The following OR3A2 variants were observed in gnomAD, a reference collection of about 807,000 sequenced individuals.
OR3A2 encodes the protein olfactory receptor 3A2.
For synonymous variants in OR3A2, 126 were observed against 159.3 expected, an observed-to-expected ratio of 0.79 and a Z score of 1.57; for missense variants, 318 against 392.8, an observed-to-expected ratio of 0.81 and a Z score of 1.61.
intron 3 of OR3A2, among the ~76,000 whole-genome samples, chr17:3,309,186 G>T (rs1045752231): frequency 5.9e-5 from 9 of 152,178 alleles, no homozygotes; most frequent in African/African-American, 1.9e-4. Context: ...GATTACAGGT[G>T]TGAGTCACCA....
At chr17:3,384,505 A>G (rs1180007461) in intron 1 of OR3A2, among the ~76,000 whole-genome samples, 1 of 152,108 alleles carries the variant, frequency 6.6e-6, no homozygotes, top group African/African-American at 2.4e-5. Flanking sequence ...GGTGAACCTG[A>G]TTCATTCACC....
At chr17:3,313,315 C>T (rs573155585) in intron 3 of OR3A2, among the ~76,000 whole-genome samples, 1 of 152,288 alleles carries the variant, frequency 6.6e-6, no homozygotes, top group East Asian at 1.9e-4. Context: ...CAGAGGTATC[C>T]ACAGTTATTC....
At chr17:3,321,906 G>C (rs913808834) in intron 3 of OR3A2, among the ~76,000 whole-genome samples, 1 of 152,108 alleles carries the variant, frequency 6.6e-6, no homozygotes, top group African/African-American at 2.4e-5. Flanking sequence ...AAATGAATTA[G>C]GGTGGATTCC....
At chr17:3,278,480 C>T (rs376700062) in exon 2 of OR3A2, 7 of 1,614,068 alleles carry the variant, frequency 4.3e-6, no homozygotes, top group East Asian at 2.2e-5. Flanking sequence ...CAGCCACCAA[C>T]ATCCTCTGGA....
At chr17:3,340,695 A>G (rs910661721) in intron 2 of OR3A2, among the ~76,000 whole-genome samples, 84 of 152,074 alleles carry the variant, frequency 5.5e-4, no homozygotes, top group African/African-American at 2.4e-5. Context: ...TATGTGGTCA[A>G]TTTTGGAATA....
intron 2 of OR3A2, among the ~76,000 whole-genome samples, chr17:3,368,593 C>T (rs1432092238): frequency 1.3e-5 from 2 of 152,028 alleles, no homozygotes; most frequent in Non-Finnish European, 2.9e-5. Flanking sequence ...CATTGGTCTA[C>T]GTGTCTGTTT....
At chr17:3,325,353 G>A (rs141634413) in intron 3 of OR3A2, among the ~76,000 whole-genome samples, 10 of 151,754 alleles carry the variant, frequency 6.6e-5, no homozygotes, top group African/African-American at 1.9e-4. Flanking sequence ...GGGATTACAG[G>A]TGCATACCAT....
intron 3 of OR3A2, among the ~76,000 whole-genome samples, chr17:3,300,356 C>G (rs546743123): frequency 6.6e-6 from 1 of 152,060 alleles, no homozygotes; most frequent in Non-Finnish European, 1.5e-5. Context: ...GTCAGGAGTT[C>G]GAGACCAGCC....
rs532176653 is a variant in OR3A2 at position 3,362,298 on chromosome 17, A to C, written c.-179+21506T>G. Among the ~76,000 whole-genome samples the C allele has an allele frequency of 9.9e-5, 15 of 151,138 alleles. No individual in the cohort carries two copies. In the South Asian group the frequency reaches 2.9e-3, roughly 29 times the overall value. On this transcript the variant is annotated intron_variant, in intron 2 of 4. Coordinates refer to the OR3A2 transcript ENST00000573491. The stretch of plus-strand genomic sequence containing the variant: ...CATTTTTTATGGCATCTATTTGATT[A>C]TTCTCTCTTTTCTTCTTTATTAGTC...
At chr17:3,343,459 C>T (rs1460831527) in intron 2 of OR3A2, among the ~76,000 whole-genome samples, 1 of 152,216 alleles carries the variant, frequency 6.6e-6, no homozygotes, top group Non-Finnish European at 1.5e-5. Context: ...AACATAAACT[C>T]AGTATGCCCC....
In OR3A2 at chr17:3,311,123, G is replaced by A. The variant is rs769793961; in HGVS notation, c.-85+24910C>T. The A allele has an allele frequency of 1.3e-5, 7 of 541,284 alleles. No homozygotes were observed. Among genetic ancestry groups the A allele is most frequent in the Admixed American group, 1.9e-5 (1 of 51,890 alleles). The allele number at this position is 541,284 out of a possible 1,614,324, so 33.5% of individuals were successfully genotyped here. A position where few individuals can be genotyped will look rare whatever the true frequency, so the allele number is the denominator to read the frequency against. On this transcript the variant is annotated intron_variant, in intron 3 of 4. Coordinates refer to the OR3A2 transcript ENST00000573491. The surrounding 1 kb of genome is among the most constrained non-coding windows in gnomAD (Gnocchi z 4.6). ...CAAGGCTGGGTTCAGTGGAGTCTTC[G>A]GACAAGGACAAGGGCATTGGCATCC...
At chr17:3,281,317 T>C (rs1009216016) in intron 1 of OR3A2, among the ~76,000 whole-genome samples, 1 of 149,496 alleles carries the variant, frequency 6.7e-6, no homozygotes, top group African/African-American at 2.5e-5. Flanking sequence ...CACTGCAACC[T>C]CCGCCTCCCA....
intron 2 of OR3A2, among the ~76,000 whole-genome samples, chr17:3,373,785 T>C (rs2150666118): frequency 6.6e-6 from 1 of 152,328 alleles, no homozygotes; most frequent in East Asian, 1.9e-4. Flanking sequence ...ACTTAGGCCA[T>C]TTACATTCAA....
At chr17:3,326,148 T>A (rs1266364396) in intron 3 of OR3A2, among the ~76,000 whole-genome samples, 2 of 152,124 alleles carry the variant, frequency 1.3e-5, no homozygotes, top group African/African-American at 4.8e-5. Flanking sequence ...GCATAGTATA[T>A]CATGGTGTAT....
intron 3 of OR3A2, among the ~76,000 whole-genome samples, chr17:3,306,654 G>C (rs1310457056): frequency 7.1e-6 from 1 of 141,462 alleles, no homozygotes; most frequent in Non-Finnish European, 1.5e-5. Context: ...GAGAGTGCAG[G>C]GGATCACTGT....
chr17:3,325,941 T>A (rs2049167935), intron 3 of OR3A2, among the ~76,000 whole-genome samples: 1 of 151,982 alleles, frequency 6.6e-6, no homozygotes, highest in Non-Finnish European at 1.5e-5. Context: ...TGCTCTCCCT[T>A]CCCCTACTCC....
At chr17:3,285,057 A>T (rs771852273), upstream of OR3A2, among the ~76,000 whole-genome samples, 1 of 152,026 alleles carries the variant, frequency 6.6e-6, no homozygotes, top group African/African-American at 2.4e-5. Context: ...TAATGATTCT[A>T]GAGGTGGTGG....
chr17:3,295,184 A>T (rs16952831), intron 3 of OR3A2, among the ~76,000 whole-genome samples: 2,143 of 152,244 alleles, frequency 0.014, 34 homozygotes, highest in African/African-American at 0.048. Context: ...AGGAGGACGT[A>T]TGTGTTGATT....
At chr17:3,341,579 T>C (rs902986268) in intron 2 of OR3A2, among the ~76,000 whole-genome samples, 6 of 152,206 alleles carry the variant, frequency 3.9e-5, no homozygotes, top group Non-Finnish European at 8.8e-5. Flanking sequence ...TTTAAGAATG[T>C]TGAATATTGG....
Sources: allele counts gnomAD v4.1 joint callset (sites outside exome capture counted in the v4.1 genomes callset), GRCh38; gene constraint gnomAD v4.1.1; non-coding constraint Gnocchi (gnomAD v3.1); transcripts MANE v1.5; gene names NCBI Gene and HGNC (gene_info 2026-07-23, HGNC 2026-07-21).